GRIA4: variants seen among roughly 807,000 people sequenced by gnomAD.
GRIA4 encodes glutamate ionotropic receptor AMPA type subunit 4.
GRIA4 carries 34 observed loss-of-function variants against 104.0 expected under a neutral mutation model. The observed-to-expected ratio is 0.33, with a 90% CI of 0.25 to 0.44. GRIA4 has a LOEUF of 0.44. GRIA4 is among the 20% of genes least tolerant of loss of function. The pLI, the probability that GRIA4 is intolerant of heterozygous loss-of-function variation, is 1.00. For synonymous variants in GRIA4, 386 were observed against 381.9 expected (o/e 1.01, Z -0.13); for missense variants, 750 against 1,096.5 (o/e 0.68, Z 4.46).
intron 4 of GRIA4, among the ~76,000 whole-genome samples, chr11:105,794,531 A>G (rs1045049953): frequency 7.4e-6 from 1 of 135,472 alleles, no homozygotes; most frequent in African/African-American, 2.7e-5. Flanking sequence ...ACACACACAC[A>G]TATCTGTCTC....
intron 4 of GRIA4, chr11:105,824,615 T>A (rs1223879014): frequency 1.3e-5 from 2 of 152,120 alleles, no homozygotes; most frequent in Non-Finnish European, 2.9e-5. Flanking sequence ...AATAATTGCC[T>A]CACAGAATGT....
At chr11:105,670,069 A>G (rs1591535472) in intron 3 of GRIA4, among the ~76,000 whole-genome samples, 1 of 152,152 alleles carries the variant, frequency 6.6e-6, no homozygotes, top group Non-Finnish European at 1.5e-5. Flanking sequence ...TAGTAAATGT[A>G]AGGTATAACA....
chr11:105,798,296 C>T (rs1331085119), intron 4 of GRIA4, among the ~76,000 whole-genome samples: 2 of 151,974 alleles, frequency 1.3e-5, no homozygotes, highest in Non-Finnish European at 2.9e-5. Flanking sequence ...AACAAAAGAC[C>T]TGAAGAAGGT....
chr11:105,665,525 G>A (rs1476081821), intron 3 of GRIA4, among the ~76,000 whole-genome samples: 3 of 151,970 alleles, frequency 2.0e-5, no homozygotes, highest in African/African-American at 7.2e-5. Context: ...GGATACTGCA[G>A]GAAGCCAGGG....
At chr11:105,692,074 G>T (rs966303401) in intron 3 of GRIA4, among the ~76,000 whole-genome samples, 95 of 151,964 alleles carry the variant, frequency 6.3e-4, no homozygotes, top group Middle Eastern at 6.8e-3. Flanking sequence ...GAAAGATGCA[G>T]TTCCAGGATG....
intron 8 of GRIA4, among the ~76,000 whole-genome samples, 178 bp downstream of exon 8, chr11:105,904,159 C>T (rs1946961178): frequency 6.6e-6 from 1 of 152,170 alleles, no homozygotes; most frequent in Non-Finnish European, 1.5e-5. Context: ...TTGCTGTTTA[C>T]ATTTTATGTG....
At chr11:105,926,057 T>C (rs1328484306) in intron 12 of GRIA4, among the ~76,000 whole-genome samples, 1 of 151,998 alleles carries the variant, frequency 6.6e-6, no homozygotes, top group Non-Finnish European at 1.5e-5. Context: ...AAGATAACTT[T>C]GAGACATGGT....
In GRIA4 at chr11:105,941,217, C is replaced by T. The variant is rs187166601; in HGVS notation, c.2294+7248C>T. Among the ~76,000 whole-genome samples, 397 of 152,070 alleles carry T rather than the reference C, an allele frequency of 2.6e-3. 1 individual carries two copies. Among genetic ancestry groups the T allele is most frequent in the Admixed American group, 4.2e-3 (64 of 15,266 alleles). ...TATTGTGAAAATATTGTTTATCCTC[C>T]CTAGCATCAAAAAAGTCTTTTTTTA... On this transcript the variant is annotated intron_variant, in intron 14 of 16. Transcript: ENST00000282499.
chr11:105,706,474 C>T (rs638099), intron 3 of GRIA4: 84,055 of 152,486 alleles, frequency 0.55, 23,283 homozygotes, highest in Admixed American at 0.62. Context: ...AGAGTGATTA[C>T]TGAATAGAGT....
intron 4 of GRIA4, among the ~76,000 whole-genome samples, chr11:105,858,538 T>A (rs1293453695): frequency 6.6e-6 from 1 of 152,154 alleles, no homozygotes; most frequent in African/African-American, 2.4e-5. Context: ...ACAGTTATTT[T>A]AAAATGTACA....
chr11:105,627,329 A>G (rs1456113708), intron 3 of GRIA4, among the ~76,000 whole-genome samples: 2 of 151,994 alleles, frequency 1.3e-5, no homozygotes, highest in East Asian at 3.9e-4. Context: ...AGGGGTTGGG[A>G]GAGGGACTGG....
intron 14 of GRIA4, among the ~76,000 whole-genome samples, chr11:105,960,685 C>G (rs1948720959): frequency 6.6e-6 from 1 of 152,238 alleles, no homozygotes; most frequent in African/African-American, 2.4e-5. Context: ...TCCGTAGGTT[C>G]AAGCAGATTC....
intron 14 of GRIA4, among the ~76,000 whole-genome samples, chr11:105,951,345 T>C (rs1483162907): frequency 1.3e-5 from 2 of 152,226 alleles, no homozygotes; most frequent in Non-Finnish European, 2.9e-5. Flanking sequence ...TTTAAAATTA[T>C]ATTTTACCTA....
At chr11:105,675,226 G>A (rs1247912569) in intron 3 of GRIA4, among the ~76,000 whole-genome samples, 22 of 151,760 alleles carry the variant, frequency 1.4e-4, no homozygotes, top group Non-Finnish European at 2.1e-4. Flanking sequence ...TCCCCCTCGT[G>A]CTGGTACTAT....
chr11:105,634,473 G>GAAAGAAAGAA (rs1344193318), intron 3 of GRIA4, among the ~76,000 whole-genome samples: 1 of 43,774 alleles, frequency 2.3e-5, no homozygotes, highest in South Asian at 9.0e-4. Flanking sequence ...GAAAGGGAAA[G>GAAAGAAAGAA]AAAGAAAGAA....
At chr11:105,881,373 G>A (rs909450267) in intron 5 of GRIA4, among the ~76,000 whole-genome samples, 1 of 152,200 alleles carries the variant, frequency 6.6e-6, no homozygotes, top group Non-Finnish European at 1.5e-5. Context: ...GCAGTTGGAA[G>A]GTGAGCAAGT....
intron 6 of GRIA4, among the ~76,000 whole-genome samples, chr11:105,891,665 C>T (rs1456665572): frequency 6.6e-6 from 1 of 152,176 alleles, no homozygotes; most frequent in Non-Finnish European, 1.5e-5. Flanking sequence ...AAAGCTATCC[C>T]TAAATATCCA....
At chr11:105,767,329 T>C (rs191362766) in intron 4 of GRIA4, among the ~76,000 whole-genome samples, 29 of 152,290 alleles carry the variant, frequency 1.9e-4, no homozygotes, top group Middle Eastern at 3.4e-3. Flanking sequence ...GTAAGTTGTC[T>C]ATACTTGAAC....
chr11:105,785,088 C>T (rs1941900754), intron 4 of GRIA4, among the ~76,000 whole-genome samples: 2 of 152,156 alleles, frequency 1.3e-5, no homozygotes, highest in African/African-American at 4.8e-5. Flanking sequence ...CTCCAAAACA[C>T]ACTTGTGCCG....
Sources: gnomAD v4.1 joint callset for allele counts (sites outside exome capture counted in the v4.1 genomes callset) on GRCh38, gnomAD v4.1.1 for gene constraint, MANE v1.5 for transcripts, NCBI Gene and HGNC (gene_info 2026-07-23, HGNC 2026-07-21) for gene names.